Variants in LRRCC1 observed in about 807,000 individuals in gnomAD.
The protein encoded by LRRCC1 is leucine-rich repeat and coiled-coil domain-containing protein 1.
In LRRCC1, 115 loss-of-function variants were observed where a neutral mutation model predicts 126.0. The ratio of observed to expected loss-of-function variants is 0.91; its 90% CI spans 0.78 to 1.07. LRRCC1 has a LOEUF of 1.07. Among genes scored for constraint, LRRCC1 ranks in the 50% least tolerant of loss-of-function variants. The pLI is 0.00. For synonymous variants in LRRCC1, 400 were observed against 393.4 expected (o/e 1.02, Z -0.20); for missense variants, 1,172 against 1,175.7 (o/e 1.00, Z 0.05).
Position 85,109,737 on chromosome 8 carries a change from C to G in LRRCC1, c.247C>G (p.Leu83Val), listed in dbSNP as rs746216700. Residue 83 changes from leucine to valine, a missense_variant, in exon 2 of 19, where the codon CTA becomes GTA. Leu to Val is a conservative substitution (Grantham distance 32, BLOSUM62 1). Transcript: ENST00000360375. ...TAATCAAATAAGTAGAATTGAAGGACTAAACACACTGACAAAACTGTGCAC... is the reference window on the plus strand; with the variant it reads ...TAATCAAATAAGTAGAATTGAAGGAGTAAACACACTGACAAAACTGTGCAC... ...SSNQISRIEG[L>V]NTLTKLCTLN... The G allele has an allele frequency of 1.2e-6, 2 of 1,602,728 alleles. No homozygotes were observed. Among genetic ancestry groups the G allele is most frequent in the Admixed American group, 3.4e-5 (2 of 59,610 alleles).
At chr8:85,140,986 A>G (rs1442291306) in intron 17 of LRRCC1, among the ~76,000 whole-genome samples, 3 of 152,130 alleles carry the variant, frequency 2.0e-5, no homozygotes, top group Non-Finnish European at 4.4e-5. Context: ...GAATCACTTG[A>G]ACCTGGGAGC....
intron 17 of LRRCC1, among the ~76,000 whole-genome samples, chr8:85,139,188 G>A (rs2135998947): frequency 6.6e-6 from 1 of 152,324 alleles, no homozygotes; most frequent in South Asian, 2.1e-4. Flanking sequence ...TTGACTACCA[G>A]GGTCAATGAG....
At chr8:85,115,026 A>T in intron 4 of LRRCC1, 74 bp from the exon 5 acceptor site, 1 of 1,192,830 alleles carries the variant, frequency 8.4e-7, no homozygotes, top group Non-Finnish European at 1.2e-6. Context: ...GGTAGCTGAT[A>T]AATTTAGTTT....
At chr8:85,142,689 G>T (rs1169457674) in intron 18 of LRRCC1, among the ~76,000 whole-genome samples, 2 of 152,096 alleles carry the variant, frequency 1.3e-5, no homozygotes, top group Non-Finnish European at 2.9e-5. Flanking sequence ...AATTAGCTGG[G>T]TGTGGTGGCG....
Position 85,131,837 on chromosome 8 carries a change from AG to A in LRRCC1, c.1845del (p.Lys617SerfsTer5), listed in dbSNP as rs753576977. 212 of 1,613,814 alleles carry A rather than the reference AG, an allele frequency of 1.3e-4. No homozygotes were observed. Among genetic ancestry groups the A allele is most frequent in the Non-Finnish European group, 1.7e-4 (199 of 1,179,916 alleles). On this transcript the variant is annotated frameshift_variant, in exon 12 of 19. Coordinates refer to ENST00000360375, the MANE Select transcript of LRRCC1 (RefSeq NM_033402.5). LOFTEE classifies it high-confidence loss of function. ...TTAGCTAAAGAAATAGCCAAAGAAG[AG>A]AAAAAGCATGAGCAAATGATAAAAG... ...DALAKEIAKE[E>X]KKHEQMIKEY...
chr8:85,143,931 G>C (rs984667967), intron 18 of LRRCC1, among the ~76,000 whole-genome samples: 1 of 152,094 alleles, frequency 6.6e-6, no homozygotes, highest in African/African-American at 2.4e-5. Context: ...AGAAATATTA[G>C]TTTTCTAAGG....
intron 14 of LRRCC1, among the ~76,000 whole-genome samples, 198 bp downstream of exon 14, chr8:85,136,161 C>T (rs777449416): frequency 2.0e-5 from 3 of 152,150 alleles, no homozygotes; most frequent in Non-Finnish European, 4.4e-5. Flanking sequence ...TTTATTACAC[C>T]AATGAAGAAG....
chr8:85,111,486 G>A (rs1026078745), intron 3 of LRRCC1, among the ~76,000 whole-genome samples: 4 of 152,062 alleles, frequency 2.6e-5, no homozygotes, highest in African/African-American at 9.7e-5. Context: ...AAATGTGAAT[G>A]GATAAGATAG....
At chr8:85,117,772 T>A (rs1809235113) in intron 6 of LRRCC1, among the ~76,000 whole-genome samples, 1 of 152,154 alleles carries the variant, frequency 6.6e-6, no homozygotes, top group Admixed American at 6.5e-5. Flanking sequence ...TTTTACTACA[T>A]TTATTTTGTC....
chr8:85,125,516 AC>A (rs1047289542), intron 8 of LRRCC1, among the ~76,000 whole-genome samples: 4 of 149,732 alleles, frequency 2.7e-5, no homozygotes, highest in African/African-American at 4.9e-5. Flanking sequence ...TACTAAAAAT[AC>A]AAAAAATTAG....
intron 6 of LRRCC1, among the ~76,000 whole-genome samples, chr8:85,117,798 C>A (rs1047555373): frequency 6.6e-6 from 1 of 152,066 alleles, no homozygotes; most frequent in African/African-American, 2.4e-5. Context: ...GCTATCTATT[C>A]GTGTATCAAA....
At chr8:85,132,832 G>A (rs529908384) in intron 12 of LRRCC1, among the ~76,000 whole-genome samples, 3 of 152,312 alleles carry the variant, frequency 2.0e-5, no homozygotes, top group South Asian at 2.1e-4. Context: ...CCCACCAAAC[G>A]TATAGTAGAT....
chr8:85,132,375 C>CTTTTTTTTT (rs551423793), intron 12 of LRRCC1, among the ~76,000 whole-genome samples: 30 of 109,962 alleles, frequency 2.7e-4, no homozygotes, highest in African/African-American at 4.3e-4. Context: ...TGAGTACTTT[C>CTTTTTTTTT]TTTTTTTTTT....
chr8:85,135,112 C>A, intron 13 of LRRCC1, 80 bp downstream of exon 13: 1 of 1,038,506 alleles, frequency 9.6e-7, no homozygotes, highest in South Asian at 2.4e-5. Flanking sequence ...TTAGGAAGTA[C>A]ACGAAAGGAA....
At chr8:85,108,140 C>T (rs1045279416) in intron 1 of LRRCC1, among the ~76,000 whole-genome samples, 1 of 152,202 alleles carries the variant, frequency 6.6e-6, no homozygotes, top group East Asian at 1.9e-4. Context: ...CCATAGCAGA[C>T]TTCTCTGTGC....
At position 85,138,111 on chromosome 8, in the gene LRRCC1, A is replaced by G; in HGVS notation, c.2570A>G (p.Gln857Arg). 1 of 1,607,030 alleles carries G rather than the reference A, an allele frequency of 6.2e-7. No homozygotes were observed. The highest frequency in any genetic ancestry group is 8.5e-7 in the Non-Finnish European group (1 of 1,175,924). Residue 857 changes from glutamine to arginine, a missense_variant, in exon 16 of 19, where the codon CAA becomes CGA. By Grantham distance (43) the Gln-to-Arg change is conservative. Transcript: ENST00000360375. ...GAAATAGAAAAATGCACTCAAGAACAACTTGATGAAAAATCTTCACAACTG... is the reference window on the plus strand; with the variant it reads ...GAAATAGAAAAATGCACTCAAGAACGACTTGATGAAAAATCTTCACAACTG... ...ITEIEKCTQE[Q>R]LDEKSSQLDE...
Position 85,107,275 on chromosome 8 carries a change from C to G in LRRCC1, c.-21C>G, listed in dbSNP as rs1484786796. On this transcript the variant is annotated 5_prime_UTR_variant, in exon 1 of 19. Coordinates refer to ENST00000360375, the MANE Select transcript of LRRCC1 (RefSeq NM_033402.5). Reference sequence around the variant, plus strand: ...CCCTCGCTGGGTGCCGGTTAAGACCCCGCTCCCCGTCGCCAGTGCTATGGA... The same window carrying G: ...CCCTCGCTGGGTGCCGGTTAAGACCGCGCTCCCCGTCGCCAGTGCTATGGA... The G allele has an allele frequency of 1.3e-6, 2 of 1,599,272 alleles. No individual in the cohort carries two copies. Among genetic ancestry groups the G allele is most frequent in the African/African-American group, 1.3e-5 (1 of 74,790 alleles).
chr8:85,137,902 A>G (rs1450210288), intron 15 of LRRCC1, 133 bp from the exon 16 acceptor site: 4 of 573,320 alleles, frequency 7.0e-6, no homozygotes, highest in South Asian at 5.8e-5. Context: ...ATTAAGGGTT[A>G]GGAGTCACAA....
At chr8:85,120,957 CT>C (rs1335734317) in intron 6 of LRRCC1, among the ~76,000 whole-genome samples, 1 of 152,164 alleles carries the variant, frequency 6.6e-6, no homozygotes, top group Non-Finnish European at 1.5e-5. Context: ...TTTCTCTTGG[CT>C]ATATCCCCAG....
Sources: gnomAD v4.1 joint callset for allele counts (sites outside exome capture counted in the v4.1 genomes callset) on GRCh38, gnomAD v4.1.1 for gene constraint, MANE v1.5 for transcripts, NCBI Gene and HGNC (gene_info 2026-07-23, HGNC 2026-07-21) for gene names.